Variants in INO80 observed in about 807,000 individuals in gnomAD.
INO80 encodes the protein chromatin-remodeling ATPase INO80.
A neutral mutation model predicts 203.4 loss-of-function variants in INO80; 20 were observed. That is an observed-to-expected ratio of 0.10 (90% CI 0.07 to 0.14). The LOEUF (loss-of-function observed/expected upper bound fraction) is 0.14, where lower values mean the gene tolerates loss of function less well. INO80 is among the 10% of genes least tolerant of loss of function. INO80 has a pLI of 1.00. For missense variants in INO80, 1,419 were observed against 1,914.4 expected (o/e 0.74, Z 4.83); for synonymous variants, 726 against 685.2 (o/e 1.06, Z -0.93).
chr15:41,114,648 G>A (rs1439978846), intron 1 of INO80, among the ~76,000 whole-genome samples: 1 of 150,974 alleles, frequency 6.6e-6, no homozygotes, highest in South Asian at 2.1e-4. Flanking sequence ...GGCGGAGGTC[G>A]CAGTGAGTCG....
intron 28 of INO80, among the ~76,000 whole-genome samples, chr15:40,999,724 C>T (rs2043932200): frequency 6.6e-6 from 1 of 152,104 alleles, no homozygotes; most frequent in African/African-American, 2.4e-5. Flanking sequence ...ACACATTTTC[C>T]CACAGATATG....
intron 9 of INO80, among the ~76,000 whole-genome samples, chr15:41,076,614 T>G (rs911369850): frequency 6.6e-6 from 1 of 152,032 alleles, no homozygotes; most frequent in African/African-American, 2.4e-5. Context: ...TGGTAGCATG[T>G]ACCTGCAGTC....
chr15:41,093,798 T>C (rs950219369), intron 4 of INO80, among the ~76,000 whole-genome samples: 4 of 152,090 alleles, frequency 2.6e-5, no homozygotes, highest in African/African-American at 7.2e-5. Flanking sequence ...TAAGCTGAGA[T>C]TGTGCCACCG....
At chr15:40,997,006 G>A (rs1048121139) in intron 29 of INO80, among the ~76,000 whole-genome samples, 2 of 152,218 alleles carry the variant, frequency 1.3e-5, no homozygotes, top group Non-Finnish European at 2.9e-5. Context: ...GCGAGGTGCA[G>A]TGGCTCACAC....
intron 28 of INO80, 44 bp from the exon 29 acceptor site, chr15:40,997,645 A>G: frequency 7.8e-7 from 1 of 1,284,230 alleles, no homozygotes; most frequent in Non-Finnish European, 1.1e-6. Flanking sequence ...ACTGAAAAGA[A>G]AAAATGGCAT....
chr15:41,013,672 T>C (rs1279326808), intron 27 of INO80, among the ~76,000 whole-genome samples: 1 of 152,106 alleles, frequency 6.6e-6, no homozygotes, highest in Non-Finnish European at 1.5e-5. Context: ...TTAAAACAAA[T>C]TAAAAATGAA....
At chr15:40,996,779 C>G (rs746887991) in intron 29 of INO80, among the ~76,000 whole-genome samples, 13 of 152,048 alleles carry the variant, frequency 8.5e-5, no homozygotes, top group Non-Finnish European at 1.5e-4. Context: ...GTTCAGGATA[C>G]AAAAAATGGG....
intron 29 of INO80, among the ~76,000 whole-genome samples, chr15:40,993,018 C>T (rs2043835866): frequency 6.6e-6 from 1 of 152,226 alleles, no homozygotes; most frequent in Non-Finnish European, 1.5e-5. Context: ...TGGTTTCAAA[C>T]ATCTGCCCTC....
At chr15:41,068,649 A>G (rs1596307294) in intron 14 of INO80, among the ~76,000 whole-genome samples, 1 of 151,592 alleles carries the variant, frequency 6.6e-6, no homozygotes, top group African/African-American at 2.4e-5. Context: ...CCTGAGGTCA[A>G]GAGTTTGAGA....
chr15:41,031,556 A>G (rs1290703646), intron 24 of INO80, among the ~76,000 whole-genome samples: 2 of 1,280 alleles, frequency 1.6e-3, no homozygotes, highest in Non-Finnish European at 9.2e-3. Context: ...GGAGGGAGGA[A>G]GGGAGGAAGG....
At chr15:41,085,075 G>A (rs959642899) in intron 7 of INO80, among the ~76,000 whole-genome samples, 2 of 152,194 alleles carry the variant, frequency 1.3e-5, no homozygotes, top group Non-Finnish European at 2.9e-5. Context: ...TAAATTGGCT[G>A]TCAAGTATCT....
chr15:41,068,560 TA>T (rs983229268), intron 14 of INO80, among the ~76,000 whole-genome samples: 18 of 141,946 alleles, frequency 1.3e-4, no homozygotes, highest in Non-Finnish European at 9.3e-5. Flanking sequence ...AAACTCTGAT[TA>T]AAAAAAAAAA....
rs374633798 is a variant in INO80 at position 41,021,140 on chromosome 15, T to G, written c.3049-15A>C. The G allele has an allele frequency of 6.4e-7, 1 of 1,568,372 alleles. No individual in the cohort carries two copies. The highest frequency in any genetic ancestry group is 1.3e-5 in the African/African-American group (1 of 74,146). On this transcript the variant is annotated splice_polypyrimidine_tract_variant and intron_variant, in intron 25 of 35. Transcript: ENST00000648947. ...ACTGCGGTAACCTGCAGTTAAAGAT[T>G]CACATGAGATGGCTCTTTCACGTTG...
chr15:41,101,988 G>A (rs1192695567), intron 1 of INO80, among the ~76,000 whole-genome samples: 1 of 151,622 alleles, frequency 6.6e-6, no homozygotes, highest in African/African-American at 2.4e-5. Context: ...TCAGGAATTC[G>A]AGACCAACCT....
At chr15:41,100,582 C>T (rs1245341946) in intron 1 of INO80, among the ~76,000 whole-genome samples, 1 of 152,134 alleles carries the variant, frequency 6.6e-6, no homozygotes, top group South Asian at 2.1e-4. Context: ...GCTGAAATGA[C>T]AGCTGCAATG....
chr15:41,079,868 C>T lies in INO80; in HGVS notation c.964G>A (p.Ala322Thr), dbSNP rs2045460245. Residue 322 changes from alanine to threonine, a missense_variant, in exon 9 of 36, where the codon GCC becomes ACC. This residue lies in a region of INO80 where 87 missense variants were observed against 150.5 expected (regional missense o/e 0.58). Transcript: ENST00000648947. ...TTACAGTTCTTCTGGGCCTGCAAGGCAGCTCGACGCACCTCCTTCATGCAC... is the reference window on the plus strand; with the variant it reads ...TTACAGTTCTTCTGGGCCTGCAAGGTAGCTCGACGCACCTCCTTCATGCAC... ...HQCMKEVRRA[A>T]LQAQKNCKET... 6.2e-7 allele frequency: 1 copy of T among 1,614,122 alleles called. No individual in the cohort carries two copies. The highest frequency in any genetic ancestry group is 1.7e-5 in the Admixed American group (1 of 60,004).
intron 25 of INO80, 40 bp from the exon 26 acceptor site, chr15:41,021,165 G>T: frequency 7.2e-7 from 1 of 1,393,998 alleles, no homozygotes; most frequent in Non-Finnish European, 1.0e-6. Context: ...CTTTCACGTT[G>T]TCCATACACA....
chr15:40,980,331 T>C lies in INO80; in HGVS notation c.4563A>G (p.Gly1521=). The change falls in exon 36 of 36, where the codon GGA becomes GGG. Residue 1521 remains glycine, a synonymous_variant. Transcript: ENST00000648947. ...TCTTGGGATTCCCAGGAACATTATTTCCCTTGCTCAAAGGGGAACTCAAAG... is the reference window on the plus strand; with the variant it reads ...TCTTGGGATTCCCAGGAACATTATTCCCCTTGCTCAAAGGGGAACTCAAAG... ...SSPLSSPLSK[G]NNVPGNPKNL... The C allele has an allele frequency of 6.2e-7, 1 of 1,614,022 alleles. No individual in the cohort carries two copies. The highest frequency in any genetic ancestry group is 8.5e-7 in the Non-Finnish European group (1 of 1,180,004).
At position 41,070,157 on chromosome 15, in the gene INO80, A is replaced by G. The variant is rs1390137263; in HGVS notation, c.1686+310T>C. Among the ~76,000 whole-genome samples the G allele has an allele frequency of 5.3e-5, 8 of 152,266 alleles. 1 individual carries two copies. Among genetic ancestry groups the G allele is most frequent in the Non-Finnish European group, 1.0e-4 (7 of 68,048 alleles). On this transcript the variant is annotated intron_variant, in intron 13 of 35. Coordinates refer to ENST00000648947, the MANE Select transcript of INO80 (RefSeq NM_017553.3). ...TAAATTGCCCAAGTTTACACTGGTAATAAGAGTAGAGCTGAAATGTTAGGC... is the reference window on the plus strand; with the variant it reads ...TAAATTGCCCAAGTTTACACTGGTAGTAAGAGTAGAGCTGAAATGTTAGGC...
Sources: gnomAD v4.1 joint callset for allele counts (sites outside exome capture counted in the v4.1 genomes callset) on GRCh38, gnomAD v4.1.1 for gene constraint, gnomAD v4.1.1 regional missense constraint, MANE v1.5 for transcripts, NCBI Gene and HGNC (gene_info 2026-07-23, HGNC 2026-07-21) for gene names.